Variants in ABCG2 observed in about 807,000 individuals in gnomAD.
The protein encoded by ABCG2 is ATP binding cassette subfamily G member 2 (JR blood group).
A neutral mutation model predicts 73.5 loss-of-function variants in ABCG2; 80 were observed. That is an observed-to-expected ratio of 1.09 (90% CI 0.91 to 1.31). ABCG2 has a LOEUF of 1.31. Among genes scored for constraint, ABCG2 ranks in the 50% most tolerant of loss-of-function variants. ABCG2 has a pLI of 0.00. For missense variants in ABCG2, 796 were observed against 786.2 expected, an observed-to-expected ratio of 1.01 and a Z score of -0.15; for synonymous variants, 269 against 282.4, an observed-to-expected ratio of 0.95 and a Z score of 0.48.
chr4:88,186,918 C>CAAAAAA (rs35676506), intron 1 of ABCG2, among the ~76,000 whole-genome samples: 3 of 76,306 alleles, frequency 3.9e-5, no homozygotes, highest in African/African-American at 1.2e-4. Flanking sequence ...GACTCCGTCT[C>CAAAAAA]AAAAAAAAAA....
At chr4:88,166,109 C>T (rs995786444) in intron 1 of ABCG2, among the ~76,000 whole-genome samples, 6 of 152,212 alleles carry the variant, frequency 3.9e-5, no homozygotes, top group African/African-American at 1.2e-4. Flanking sequence ...TAAACTGAAA[C>T]ATTTAAGACA....
intron 1 of ABCG2, among the ~76,000 whole-genome samples, chr4:88,179,785 A>T (rs76462878): frequency 0.044 from 6,669 of 152,296 alleles, 221 homozygotes; most frequent in Admixed American, 0.079. Context: ...TGCAATTGAC[A>T]TACTGAATAA....
chr4:88,124,800 A>G (rs1458240160), intron 5 of ABCG2, among the ~76,000 whole-genome samples: 1 of 152,196 alleles, frequency 6.6e-6, no homozygotes, highest in African/African-American at 2.4e-5. Flanking sequence ...CTCTGGACCA[A>G]GTGAACCTAA....
At chr4:88,152,354 C>A (rs1726551731) in intron 1 of ABCG2, among the ~76,000 whole-genome samples, 1 of 152,154 alleles carries the variant, frequency 6.6e-6, no homozygotes, top group Admixed American at 6.6e-5. Flanking sequence ...AAGAGACCAC[C>A]AAACAGGCTT....
chr4:88,214,691 AC>A (rs1729740374), intron 1 of ABCG2, among the ~76,000 whole-genome samples: 1 of 150,228 alleles, frequency 6.7e-6, no homozygotes, highest in African/African-American at 2.5e-5. Context: ...TCCCATCTCT[AC>A]AAAAAAAAGT....
chr4:88,186,980 C>T (rs1728490446), intron 1 of ABCG2, among the ~76,000 whole-genome samples: 1 of 147,046 alleles, frequency 6.8e-6, no homozygotes, highest in Non-Finnish European at 1.5e-5. Context: ...GTAATCCCAA[C>T]TCCTCGGGAT....
intron 1 of ABCG2, among the ~76,000 whole-genome samples, chr4:88,199,810 G>T (rs911329002): frequency 6.6e-6 from 1 of 151,790 alleles, no homozygotes; most frequent in Non-Finnish European, 1.5e-5. Flanking sequence ...CTATCCTGGC[G>T]AACACAGTGA....
intron 1 of ABCG2, among the ~76,000 whole-genome samples, chr4:88,211,364 C>T (rs1487523796): frequency 8.0e-5 from 4 of 49,746 alleles, no homozygotes; most frequent in African/African-American, 3.2e-4. Context: ...CCCTGCCCCA[C>T]CCCCCCCCAC....
At chr4:88,098,434 A>G (rs1231716994) in intron 12 of ABCG2, among the ~76,000 whole-genome samples, 1 of 151,934 alleles carries the variant, frequency 6.6e-6, no homozygotes, top group African/African-American at 2.4e-5. Flanking sequence ...ACATCTACCA[A>G]ACAAGTATTT....
At chr4:88,107,971 C>T (rs916803062) in intron 9 of ABCG2, among the ~76,000 whole-genome samples, 4 of 152,202 alleles carry the variant, frequency 2.6e-5, no homozygotes, top group African/African-American at 9.6e-5. Flanking sequence ...GTCACTGCTT[C>T]CTCATCGCTT....
intron 9 of ABCG2, among the ~76,000 whole-genome samples, chr4:88,110,317 G>GCC (rs1463283468): frequency 1.3e-5 from 2 of 152,004 alleles, no homozygotes; most frequent in African/African-American, 4.8e-5. Context: ...TGAAGCGGGT[G>GCC]GACCCACCTG....
At chr4:88,214,435 G>A (rs1167289955) in intron 1 of ABCG2, among the ~76,000 whole-genome samples, 2 of 152,024 alleles carry the variant, frequency 1.3e-5, no homozygotes, top group African/African-American at 2.4e-5. Context: ...CAATCAGAAC[G>A]ATGAGACACA....
intron 6 of ABCG2, 81 bp from the exon 7 acceptor site, chr4:88,118,341 T>C: frequency 6.8e-7 from 1 of 1,461,700 alleles, no homozygotes; most frequent in Non-Finnish European, 9.3e-7. Context: ...TTCTTGCCTT[T>C]AGATTGTTTG....
At chr4:88,187,556 CAA>C (rs1338256340) in intron 1 of ABCG2, among the ~76,000 whole-genome samples, 1 of 151,616 alleles carries the variant, frequency 6.6e-6, no homozygotes, top group Non-Finnish European at 1.5e-5. Flanking sequence ...GAGGTTGCGG[CAA>C]GCCAAGATCA....
At chr4:88,211,358 G>GCCTC (rs1729583795) in intron 1 of ABCG2, among the ~76,000 whole-genome samples, 1 of 33,648 alleles carries the variant, frequency 3.0e-5, no homozygotes, top group Non-Finnish European at 5.6e-5. Flanking sequence ...TTCAACCCCT[G>GCCTC]CCCCACCCCC....
chr4:88,216,522 T>TGGAAGGAA (rs1170152837), intron 1 of ABCG2, among the ~76,000 whole-genome samples: 30 of 152,338 alleles, frequency 2.0e-4, no homozygotes, highest in African/African-American at 7.2e-4. Context: ...TGTGAGCTAA[T>TGGAAGGAA]AACATGGTTT....
At chr4:88,122,186 G>A (rs372549041) in intron 5 of ABCG2, among the ~76,000 whole-genome samples, 3 of 152,084 alleles carry the variant, frequency 2.0e-5, no homozygotes, top group Non-Finnish European at 4.4e-5. Flanking sequence ...GGAGATTCCC[G>A]CAGGTGCCTA....
At chr4:88,127,186 G>T (rs1238421675) in intron 5 of ABCG2, among the ~76,000 whole-genome samples, 1 of 152,046 alleles carries the variant, frequency 6.6e-6, no homozygotes, top group Non-Finnish European at 1.5e-5. Flanking sequence ...GGTACAAAGA[G>T]AATAAAATAC....
chr4:88,223,405 A>C (rs181199620), intron 1 of ABCG2, among the ~76,000 whole-genome samples: 107 of 152,278 alleles, frequency 7.0e-4, no homozygotes, highest in African/African-American at 2.5e-3. Flanking sequence ...TCATGAGGGC[A>C]GTTACCTTCA....
Sources: allele counts gnomAD v4.1 joint callset (sites outside exome capture counted in the v4.1 genomes callset), GRCh38; gene constraint gnomAD v4.1.1; transcripts MANE v1.5; gene names NCBI Gene and HGNC (gene_info 2026-07-23, HGNC 2026-07-21).